CCAR2: variants seen among roughly 807,000 people sequenced by gnomAD.
The protein encoded by CCAR2 is cell cycle and apoptosis regulator protein 2.
Under a neutral mutation model 108.1 loss-of-function variants are expected in CCAR2, and 21 were observed. That is an observed-to-expected ratio of 0.19 (90% CI 0.14 to 0.28). The LOEUF (loss-of-function observed/expected upper bound fraction) is 0.28. CCAR2 is among the 10% of genes least tolerant of loss of function. The pLI is 1.00. For synonymous variants in CCAR2, 577 were observed against 472.8 expected (o/e 1.22, Z -2.86); for missense variants, 1,126 against 1,177.0 (o/e 0.96, Z 0.63).
rs201210112 is a variant in CCAR2, at chr8:22,620,419, T to G, written c.*737T>G. The G allele has an allele frequency of 5.2e-5, 6 of 114,782 alleles. No homozygotes were observed. The highest frequency in any genetic ancestry group is 3.0e-4 in the African/African-American group (5 of 16,898). 7.1% of individuals were successfully genotyped at this position (114,782 alleles called of 1,614,324 possible). A position where few individuals can be genotyped will look rare whatever the true frequency, so the allele number is the denominator to read the frequency against. ...TTGACTTTGTATATAAAGTTGGGGT[T>G]TTTTTTTTTTTTTTTTGGCTTGTTT... On this transcript the variant is annotated 3_prime_UTR_variant, in exon 21 of 21. Transcript: ENST00000308511.
chr8:22,605,169 C>G (rs1801018078), intron 1 of CCAR2: 1 of 191,176 alleles, frequency 5.2e-6, no homozygotes, highest in African/African-American at 2.4e-5. Flanking sequence ...CGCGTTTGGT[C>G]GGCCAGGGAG....
chr8:22,617,200 C>T (rs1801557678), intron 14 of CCAR2, among the ~76,000 whole-genome samples: 1 of 151,982 alleles, frequency 6.6e-6, no homozygotes. Flanking sequence ...CTTCTGGGAC[C>T]AAGATCAACT....
At position 22,606,895 on chromosome 8, in the gene CCAR2, CT is replaced by C; in HGVS notation, c.243-13del. 6.2e-7 allele frequency: 1 copy of C among 1,613,344 alleles called. No homozygotes were observed. The highest frequency in any genetic ancestry group is 8.5e-7 in the Non-Finnish European group (1 of 1,179,380). On this transcript the variant is annotated splice_polypyrimidine_tract_variant and intron_variant, in intron 4 of 20. Transcript: ENST00000308511. ...TCCCTCTTCTGATGGGGCCTTCTGG[CT>C]TGTGTGCTGACAGTGTGGTGAAGGG...
At position 22,620,231 on chromosome 8, in the gene CCAR2, G is replaced by A. The variant is rs200378991; in HGVS notation, c.*549G>A. The A allele has an allele frequency of 6.5e-6, 1 of 154,276 alleles. No individual in the cohort carries two copies. The highest frequency in any genetic ancestry group is 2.4e-5 in the African/African-American group (1 of 41,448). The allele number at this position is 154,276 out of a possible 1,614,324, so 9.6% of individuals were successfully genotyped here. ...TAGAAAGAGCTCAGTGTTGGGCTGG[G>A]TTTGCCAGTAGAACACTGCGTTCCA... is the stretch of plus-strand genomic sequence containing the variant. On this transcript the variant is annotated 3_prime_UTR_variant, in exon 21 of 21. Coordinates refer to ENST00000308511, the MANE Select transcript of CCAR2 (RefSeq NM_001393997.1).
rs1362483093 is a variant in CCAR2, at chr8:22,607,196, C to A, written c.358C>A (p.Pro120Thr). ...GAATTTCCTGGCTCCTGTTCTGCAG[C>A]CCCTACTGAAGTCCCCAGCACCTCC... ...AVKVQTLSNQPLLKSPAPPLL... is the reference protein window; with the variant it reads ...AVKVQTLSNQTLLKSPAPPLL... Residue 120 changes from proline (P) to threonine (T), a missense_variant and splice_region_variant, in exon 6 of 21, where the codon CCC (proline) becomes ACC (threonine). Around this residue, in one of 4 missense-constraint regions of CCAR2, gnomAD observed 44 missense variants for 63.4 expected, o/e 0.69. Transcript: ENST00000308511. The A allele has an allele frequency of 6.2e-7, 1 of 1,613,930 alleles. No homozygotes were observed. The highest frequency in any genetic ancestry group is 1.3e-5 in the African/African-American group (1 of 75,036).
chr8:22,614,041 C>T (rs764599258), intron 8 of CCAR2, 51 bp from the exon 9 acceptor site: 13 of 1,513,338 alleles, frequency 8.6e-6, no homozygotes, highest in East Asian at 4.6e-5. Context: ...GGTTTCATTT[C>T]GAATGTTTTA....
In CCAR2 at chr8:22,616,170, C is replaced by T. The variant is rs200515077; in HGVS notation, c.1767C>T (p.Ala589=). The T allele has an allele frequency of 2.5e-5, 41 of 1,613,916 alleles. No individual in the cohort carries two copies. Among genetic ancestry groups the T allele is most frequent in the Non-Finnish European group, 3.5e-5 (41 of 1,180,014 alleles). The change falls in exon 14 of 21, where the codon GCC becomes GCT. Residue 589 remains alanine, a synonymous_variant. Coordinates refer to ENST00000308511, the MANE Select transcript of CCAR2 (RefSeq NM_001393997.1). ...AKEEATKEEE[A]IKEEVVKEPK... is the part of the protein sequence containing the mutation. Reference sequence around the variant, plus strand: ...AAGAAGCCACCAAGGAGGAAGAAGCCATCAAAGAGGAGGTGGTCAAGGAGC... The same window carrying T: ...AAGAAGCCACCAAGGAGGAAGAAGCTATCAAAGAGGAGGTGGTCAAGGAGC...
intron 8 of CCAR2, among the ~76,000 whole-genome samples, chr8:22,613,715 T>C (rs1801386473): frequency 6.6e-6 from 1 of 152,244 alleles, no homozygotes; most frequent in Non-Finnish European, 1.5e-5. Context: ...ATTTCTTTAA[T>C]TGTAAGTGAG....
rs201039859 is a variant in CCAR2 at position 22,605,873 on chromosome 8, T to C, written c.58+42T>C. 39 of 1,592,286 alleles carry C rather than the reference T, an allele frequency of 2.4e-5. No homozygotes were observed. The East Asian group carries it at 7.2e-4, about 29-fold the overall frequency. On this transcript the variant is annotated intron_variant, in intron 2 of 20. Transcript: ENST00000308511. ...CTACCTGGCCTCATCCTGGGAAGTATGTGCTCTGGAGTTAGTTTGGGGTTT... is the reference window on the plus strand; with the variant it reads ...CTACCTGGCCTCATCCTGGGAAGTACGTGCTCTGGAGTTAGTTTGGGGTTT...
In CCAR2 at chr8:22,615,418, T is replaced by C. The variant is rs200407954; in HGVS notation, c.1206-7T>C. ...AAGAAGTTAGTACCTCCTTTTGCCA[T>C]GTGCAGGTGGCGCTTTGCCGAGTTT... On this transcript the variant is annotated splice_polypyrimidine_tract_variant and splice_region_variant and intron_variant, in intron 11 of 20. Coordinates refer to ENST00000308511, the MANE Select transcript of CCAR2 (RefSeq NM_001393997.1). 6.2e-7 allele frequency: 1 copy of C among 1,612,222 alleles called. No homozygotes were observed. Among genetic ancestry groups the C allele is most frequent in the Non-Finnish European group, 8.5e-7 (1 of 1,178,978 alleles).
chr8:22,606,175 A>T lies in CCAR2; in HGVS notation c.149A>T (p.Gln50Leu). The change falls in exon 3 of 21, where the codon CAG (glutamine) becomes CTG (leucine). Residue 50 changes from glutamine to leucine, a missense_variant and splice_region_variant. By Grantham distance (113) the Gln-to-Leu change is moderately radical. Coordinates refer to ENST00000308511, the MANE Select transcript of CCAR2 (RefSeq NM_001393997.1). Reference sequence around the variant, plus strand: ...CTGTCCCAGAATGCCAGGCACCTTCAGGTAGGTTCGGCATCCCTTGTAGTA... The same window carrying T: ...CTGTCCCAGAATGCCAGGCACCTTCTGGTAGGTTCGGCATCCCTTGTAGTA... ...TELSQNARHL[Q>L]GGEKQRVFTG... is the part of the protein sequence containing the mutation. 1 of 1,613,006 alleles carries T rather than the reference A, an allele frequency of 6.2e-7. No homozygotes were observed. The highest frequency in any genetic ancestry group is 8.5e-7 in the Non-Finnish European group (1 of 1,178,982).
In CCAR2 at chr8:22,604,812, G is replaced by T. The variant is rs1442041534; in HGVS notation, c.-69G>T. 8.8e-6 allele frequency: 4 copies of T among 455,214 alleles called. No homozygotes were observed. Among genetic ancestry groups the T allele is most frequent in the African/African-American group, 8.0e-5 (4 of 50,032 alleles). 28.2% of individuals were successfully genotyped at this position (455,214 alleles called of 1,614,324 possible). On this transcript the variant is annotated 5_prime_UTR_variant, in exon 1 of 21. Transcript: ENST00000308511. ...GGCTGTGGTGGTTCCGGGTGTCTTT[G>T]TCCCCCCGGTGTCGCTGCCCTGGCC...
rs201917097 is a variant in CCAR2 at position 22,620,017 on chromosome 8, A to G, written c.*335A>G. 3.4e-4 allele frequency: 111 copies of G among 328,774 alleles called. No individual in the cohort carries two copies. The highest frequency in any genetic ancestry group is 1.9e-3 in the African/African-American group (92 of 47,696). The allele number at this position is 328,774 out of a possible 1,614,324, so 20.4% of individuals were successfully genotyped here. On this transcript the variant is annotated 3_prime_UTR_variant, in exon 21 of 21. Transcript: ENST00000308511. ...GTCCTCTTCCAGTTTAGAATAAGAC[A>G]GGGGAGAAAAAGGCTTTTCGAGTGT...
intron 10 of CCAR2, 113 bp from the exon 11 acceptor site, chr8:22,614,725 G>C (rs766823830): frequency 1.4e-6 from 2 of 1,439,304 alleles, no homozygotes; most frequent in Non-Finnish European, 1.9e-6. Context: ...TCACTGTGTG[G>C]TGGACTTCCC....
chr8:22,618,717 A>C lies in CCAR2; in HGVS notation c.2321A>C (p.Glu774Ala), dbSNP rs148552616. The change falls in exon 18 of 21, where the codon GAG becomes GCG. Residue 774 changes from glutamate to alanine, a missense_variant. Physicochemically the swap from Glu to Ala is moderately radical, Grantham distance 107. This residue lies in a region of CCAR2 where 1,013 missense variants were observed against 993.9 expected (regional missense o/e 1.02). Transcript: ENST00000308511. ...GGCCTGGATGGTGGCCTTCCCGAGG[A>C]GGTGCTCTTCGGTATGTTCTGGGGC... ...QEGLDGGLPE[E>A]VLFGNLDLLP... 2.5e-6 allele frequency: 4 copies of C among 1,613,928 alleles called. No individual in the cohort carries two copies. Among genetic ancestry groups the C allele is most frequent in the Non-Finnish European group, 3.4e-6 (4 of 1,179,996 alleles).
chr8:22,613,525 G>A (rs1161983423), intron 8 of CCAR2, among the ~76,000 whole-genome samples: 1 of 152,082 alleles, frequency 6.6e-6, no homozygotes, highest in Non-Finnish European at 1.5e-5. Context: ...TGGAGCAGCT[G>A]GCTCAAAGGC....
intron 5 of CCAR2, 50 bp downstream of exon 5, chr8:22,607,074 C>T (rs761972752): frequency 1.9e-6 from 3 of 1,609,230 alleles, no homozygotes; most frequent in Non-Finnish European, 2.5e-6. Context: ...GGATGGAAGC[C>T]CCTGTGCCCT....
intron 7 of CCAR2, among the ~76,000 whole-genome samples, chr8:22,609,118 A>G (rs1386006508): frequency 1.4e-5 from 2 of 146,932 alleles, no homozygotes; most frequent in African/African-American, 2.5e-5. Context: ...TGGTGTGATC[A>G]CGGCTCATTG....
chr8:22,615,960 C>T (rs1399668442), intron 13 of CCAR2, 48 bp downstream of exon 13: 1 of 1,612,598 alleles, frequency 6.2e-7, no homozygotes, highest in Non-Finnish European at 8.5e-7. Flanking sequence ...ATTTGTGGGC[C>T]TGAAGCAGTC....
Sources: gnomAD v4.1 joint callset for allele counts (sites outside exome capture counted in the v4.1 genomes callset) on GRCh38, gnomAD v4.1.1 for gene constraint, gnomAD v4.1.1 regional missense constraint, MANE v1.5 for transcripts, NCBI Gene and HGNC (gene_info 2026-07-23, HGNC 2026-07-21) for gene names.